The following STK3 variants were observed in gnomAD, a reference collection of about 807,000 sequenced individuals.
STK3 encodes serine/threonine-protein kinase 3.
In STK3, 41 loss-of-function variants were observed where a neutral mutation model predicts 58.0. The ratio of observed to expected loss-of-function variants is 0.71; its 90% CI spans 0.55 to 0.92. STK3 has a LOEUF of 0.92. Ranked by LOEUF, STK3 falls within the 40% of genes least tolerant of loss-of-function variation. The pLI is 0.00. For missense variants in STK3, 479 were observed against 602.7 expected, an observed-to-expected ratio of 0.79 and a Z score of 2.15; for synonymous variants, 170 against 191.0, an observed-to-expected ratio of 0.89 and a Z score of 0.91.
intron 1 of STK3, 54 bp from the exon 2 acceptor site, chr8:98,774,873 AAATTTTT>A: frequency 7.6e-7 from 1 of 1,320,562 alleles, no homozygotes; most frequent in Non-Finnish European, 1.0e-6. Flanking sequence ...ACCTTTTACA[AAATTTTT>A]AATTTTTAAA....
chr8:98,381,719 A>G (rs1351940341), intron 1 of STK3, among the ~76,000 whole-genome samples: 1 of 152,188 alleles, frequency 6.6e-6, no homozygotes, highest in African/African-American at 2.4e-5. Flanking sequence ...AGGCTAAAAA[A>G]GTTTCACTCA....
intron 1 of STK3, among the ~76,000 whole-genome samples, chr8:98,922,090 A>G (rs1311538041): frequency 6.6e-6 from 1 of 152,200 alleles, no homozygotes; most frequent in African/African-American, 2.4e-5. Flanking sequence ...AATAAGGCTT[A>G]AGAGGGAAAC....
chr8:98,744,166 A>C (rs898165140), intron 4 of STK3, among the ~76,000 whole-genome samples: 1 of 152,212 alleles, frequency 6.6e-6, no homozygotes, highest in South Asian at 2.1e-4. Flanking sequence ...TGTGGAAGGC[A>C]GTGTGGCGAT....
intron 3 of STK3, among the ~76,000 whole-genome samples, chr8:98,832,608 G>A (rs1835579168): frequency 6.6e-6 from 1 of 152,242 alleles, no homozygotes; most frequent in Non-Finnish European, 1.5e-5. Flanking sequence ...AATTAGCAAG[G>A]GAAGAAGTAT....
chr8:98,700,576 G>T (rs1181312757), intron 6 of STK3, among the ~76,000 whole-genome samples: 1 of 152,170 alleles, frequency 6.6e-6, no homozygotes, highest in Non-Finnish European at 1.5e-5. Flanking sequence ...CTTTATGTGA[G>T]TTAAATTTCC....
At chr8:98,825,798 GCCCCGCCCCGCCCC>G (rs1564039742), upstream of STK3, 8 of 67,642 alleles carry the variant, frequency 1.2e-4, no homozygotes, top group African/African-American at 1.7e-4. Context: ...GCCCCCGGCC[GCCCCGCCCCGCCCC>G]CGGCCGCCCC....
At chr8:98,368,696 TCA>T (rs1817586215), downstream of STK3, among the ~76,000 whole-genome samples, 1 of 152,242 alleles carries the variant, frequency 6.6e-6, no homozygotes, top group Non-Finnish European at 1.5e-5. Context: ...GCAAAGGAAC[TCA>T]CAATTATCAT....
intron 4 of STK3, 131 bp from the exon 5 acceptor site, chr8:98,707,442 GC>G: frequency 1.4e-6 from 1 of 693,020 alleles, no homozygotes; most frequent in Non-Finnish European, 2.3e-6. Flanking sequence ...CCACTCTGTT[GC>G]CCAGGCTACA....
At chr8:98,832,584 G>A (rs1835578451) in intron 3 of STK3, among the ~76,000 whole-genome samples, 1 of 152,168 alleles carries the variant, frequency 6.6e-6, no homozygotes, top group Admixed American at 6.6e-5. Context: ...ACTCAGGAAA[G>A]AAAGTCTAAA....
chr8:98,491,430 ATT>A (rs1170748631), intron 10 of STK3, among the ~76,000 whole-genome samples: 6 of 144,464 alleles, frequency 4.2e-5, no homozygotes, highest in Admixed American at 7.0e-5. Context: ...CACCTAGGAA[ATT>A]TTTTTTTTTT....
intron 4 of STK3, among the ~76,000 whole-genome samples, chr8:98,718,921 G>A (rs1827214843): frequency 6.6e-6 from 1 of 152,140 alleles, no homozygotes; most frequent in Non-Finnish European, 1.5e-5. Flanking sequence ...CCACAAGAAT[G>A]TTTTGTGAAC....
At chr8:98,368,626 CTA>C (rs1222147275), downstream of STK3, among the ~76,000 whole-genome samples, 6 of 152,166 alleles carry the variant, frequency 3.9e-5, no homozygotes, top group Non-Finnish European at 7.4e-5. Context: ...GCAACCAAAC[CTA>C]TGTCTCCTGC....
intron 3 of STK3, among the ~76,000 whole-genome samples, chr8:98,423,462 A>C (rs1818194976): frequency 6.6e-6 from 1 of 152,144 alleles, no homozygotes; most frequent in African/African-American, 2.4e-5. Flanking sequence ...AGGTGGGCAG[A>C]GTGTATCATA....
intron 3 of STK3, among the ~76,000 whole-genome samples, chr8:98,871,269 A>G (rs1435726411): frequency 6.6e-6 from 1 of 152,216 alleles, no homozygotes; most frequent in Non-Finnish European, 1.5e-5. Flanking sequence ...GTTTGAGGTC[A>G]GGAAGTGTGA....
At chr8:98,609,627 T>C (rs925142276) in intron 6 of STK3, among the ~76,000 whole-genome samples, 2 of 152,152 alleles carry the variant, frequency 1.3e-5, no homozygotes, top group Non-Finnish European at 2.9e-5. Context: ...GATGAACTAA[T>C]TGCCTTGAAT....
At chr8:98,744,082 C>A (rs925950740) in intron 4 of STK3, among the ~76,000 whole-genome samples, 3 of 152,058 alleles carry the variant, frequency 2.0e-5, no homozygotes, top group Non-Finnish European at 2.9e-5. Flanking sequence ...CAGGAAACAA[C>A]AGGTGCTGGA....
intron 3 of STK3, among the ~76,000 whole-genome samples, chr8:98,850,353 G>A (rs1037389189): frequency 6.6e-6 from 1 of 152,154 alleles, no homozygotes; most frequent in Admixed American, 6.5e-5. Context: ...AATGTTTACT[G>A]TGAGTCTCCT....
chr8:98,525,553 A>C (rs1471450173), intron 10 of STK3, among the ~76,000 whole-genome samples: 1 of 152,120 alleles, frequency 6.6e-6, no homozygotes, highest in Non-Finnish European at 1.5e-5. Context: ...ATAATTTATA[A>C]TTTTAAAAAA....
chr8:98,758,806 C>T (rs1387329043), intron 3 of STK3, among the ~76,000 whole-genome samples: 1 of 152,246 alleles, frequency 6.6e-6, no homozygotes, highest in African/African-American at 2.4e-5. Flanking sequence ...GCTGCAGCTT[C>T]TATTTCAGCA....
Sources: allele counts gnomAD v4.1 joint callset (sites outside exome capture counted in the v4.1 genomes callset), GRCh38; gene constraint gnomAD v4.1.1; transcripts MANE v1.5; gene names NCBI Gene and HGNC (gene_info 2026-07-23, HGNC 2026-07-21).